The following RGS5 variants were observed in gnomAD, a reference collection of about 807,000 sequenced individuals.
RGS5 encodes the protein regulator of G-protein signalling 5.
A neutral mutation model predicts 18.9 loss-of-function variants in RGS5; 20 were observed. That is an observed-to-expected ratio of 1.06 (90% CI 0.74 to 1.54). The LOEUF (loss-of-function observed/expected upper bound fraction) is 1.54. RGS5 is among the 40% of genes most tolerant of loss of function. The pLI, the probability that RGS5 is intolerant of heterozygous loss-of-function variation, is 0.00. For missense variants in RGS5, 201 were observed against 211.8 expected (o/e 0.95, Z 0.32); for synonymous variants, 57 against 76.2 (o/e 0.75, Z 1.31).
At position 163,249,247 on chromosome 1, in the gene RGS5, G is replaced by A. The variant is rs1206199180; in HGVS notation, c.-281+56986C>T. 2.0e-5 allele frequency among the ~76,000 whole-genome samples: 3 copies of A among 152,190 alleles called. No individual in the cohort carries two copies. In the East Asian group the frequency reaches 5.8e-4, roughly 29 times the overall value. ...TACAATACATTTCCTTTATGGAAAT[G>A]TAAGGAAGAAAGAATAAGTTCTTCC... On this transcript the variant is annotated intron_variant, in intron 2 of 5. Coordinates refer to the RGS5 transcript ENST00000618415.
At chr1:163,313,804 G>A (rs1415094005) in intron 1 of RGS5, among the ~76,000 whole-genome samples, 2 of 152,076 alleles carry the variant, frequency 1.3e-5, no homozygotes, top group African/African-American at 2.4e-5. Context: ...ACATAAAAAG[G>A]GTCTGCTGCA....
intron 2 of RGS5, among the ~76,000 whole-genome samples, chr1:163,224,567 C>CA (rs1189204468): frequency 6.6e-6 from 1 of 152,106 alleles, no homozygotes; most frequent in Non-Finnish European, 1.5e-5. Flanking sequence ...GATATATACC[C>CA]AATAGTGGGA....
chr1:163,297,720 T>C (rs1220357623), intron 2 of RGS5, among the ~76,000 whole-genome samples: 2 of 152,218 alleles, frequency 1.3e-5, no homozygotes, highest in East Asian at 3.9e-4. Context: ...AACCTGTCTT[T>C]TGTTACAAGG....
intron 2 of RGS5, among the ~76,000 whole-genome samples, chr1:163,305,503 T>C (rs919743598): frequency 6.6e-6 from 1 of 152,222 alleles, no homozygotes; most frequent in African/African-American, 2.4e-5. Flanking sequence ...TCAGAAACTA[T>C]TGGTCCTCTT....
chr1:163,195,599 A>AAT (rs1029323325), intron 1 of RGS5, among the ~76,000 whole-genome samples: 8 of 151,770 alleles, frequency 5.3e-5, no homozygotes, highest in African/African-American at 9.7e-5. Flanking sequence ...AATAATTTAA[A>AAT]ATATATATAT....
intron 1 of RGS5, among the ~76,000 whole-genome samples, chr1:163,193,519 G>A (rs1261043640): frequency 2.6e-5 from 4 of 152,094 alleles, no homozygotes; most frequent in South Asian, 4.1e-4. Flanking sequence ...GCCTAAAAAC[G>A]CACATGGATT....
intron 3 of RGS5, among the ~76,000 whole-genome samples, chr1:163,155,673 C>A (rs1227436444): frequency 6.6e-6 from 1 of 152,114 alleles, no homozygotes; most frequent in East Asian, 1.9e-4. Context: ...ACAATCCAGG[C>A]CAAATGTCTC....
chr1:163,293,160 A>G (rs187746731), intron 2 of RGS5, among the ~76,000 whole-genome samples: 1 of 152,276 alleles, frequency 6.6e-6, no homozygotes, highest in Non-Finnish European at 1.5e-5. Context: ...TTTTACATTT[A>G]AGTCTTTAAT....
chr1:163,229,395 A>G (rs1421740487), intron 2 of RGS5, among the ~76,000 whole-genome samples: 1 of 152,094 alleles, frequency 6.6e-6, no homozygotes, highest in Non-Finnish European at 1.5e-5. Context: ...TGATCCAATT[A>G]CCTCCACCTG....
chr1:163,201,872 G>A (rs1011051072), intron 1 of RGS5, among the ~76,000 whole-genome samples: 1 of 152,038 alleles, frequency 6.6e-6, no homozygotes, highest in African/African-American at 2.4e-5. Context: ...TTTAAATAAC[G>A]AGGGATCAAA....
At chr1:163,204,779 T>C (rs1166694330), upstream of RGS5, among the ~76,000 whole-genome samples, 1 of 152,146 alleles carries the variant, frequency 6.6e-6, no homozygotes, top group Non-Finnish European at 1.5e-5. Context: ...ATAAAGGGAA[T>C]ATAAAACAAG....
chr1:163,151,642 T>C (rs1483431588), intron 4 of RGS5, among the ~76,000 whole-genome samples: 2 of 152,180 alleles, frequency 1.3e-5, no homozygotes, highest in African/African-American at 4.8e-5. Flanking sequence ...CCCCCTTCAC[T>C]CCACTTTTAT....
intron 1 of RGS5, among the ~76,000 whole-genome samples, chr1:163,315,949 T>C (rs1293877048): frequency 1.3e-5 from 2 of 152,168 alleles, no homozygotes; most frequent in African/African-American, 2.4e-5. Context: ...TTTCAAACTA[T>C]GTAAGGTTAA....
intron 1 of RGS5, among the ~76,000 whole-genome samples, chr1:163,202,011 C>T (rs1047076417): frequency 6.6e-6 from 1 of 152,092 alleles, no homozygotes; most frequent in Admixed American, 6.5e-5. Context: ...GCCTAGATAC[C>T]TAGGATTCTC....
intron 2 of RGS5, among the ~76,000 whole-genome samples, chr1:163,242,553 G>T (rs1647818108): frequency 6.6e-6 from 1 of 152,164 alleles, no homozygotes; most frequent in South Asian, 2.1e-4. Flanking sequence ...GGCAGATTCT[G>T]TTCTTAAGTG....
rs1042868641 is a variant in RGS5 at position 163,161,739 on chromosome 1, C to A, written c.217+176G>T. 79 of 540,406 alleles carry A rather than the reference C, an allele frequency of 1.5e-4. 2 individuals carry two copies. The highest frequency in any genetic ancestry group is 1.0e-3 in the South Asian group (51 of 48,976). The allele number at this position is 540,406 out of a possible 1,614,324, so 33.5% of individuals were successfully genotyped here. ...TTCCCTCATAGTGCCACAGACCCTC[C>A]TTTTCTTGTGAACTGGATAATCACA... is the stretch of plus-strand genomic sequence containing the variant. On this transcript the variant is annotated intron_variant, in intron 3 of 4. Transcript: ENST00000313961.
At chr1:163,241,155 C>T (rs528448513) in intron 2 of RGS5, among the ~76,000 whole-genome samples, 89 of 152,302 alleles carry the variant, frequency 5.8e-4, no homozygotes, top group African/African-American at 2.1e-3. Flanking sequence ...CTTTACTTTT[C>T]TTCTATAATA....
At chr1:163,205,404 C>A (rs1659928749), upstream of RGS5, among the ~76,000 whole-genome samples, 1 of 144,178 alleles carries the variant, frequency 6.9e-6, no homozygotes, top group South Asian at 2.2e-4. Flanking sequence ...AATTTGAAGT[C>A]TGAAAAAATA....
intron 2 of RGS5, among the ~76,000 whole-genome samples, chr1:163,255,009 C>A (rs866632278): frequency 2.0e-5 from 3 of 152,178 alleles, no homozygotes; most frequent in South Asian, 2.1e-4. Flanking sequence ...TGATCTATAT[C>A]TCTGTTTTGG....
Sources: allele counts gnomAD v4.1 joint callset (sites outside exome capture counted in the v4.1 genomes callset), GRCh38; gene constraint gnomAD v4.1.1; transcripts MANE v1.5; gene names NCBI Gene and HGNC (gene_info 2026-07-23, HGNC 2026-07-21).